PTPRD: variants seen among roughly 807,000 people sequenced by gnomAD.
PTPRD encodes receptor-type tyrosine-protein phosphatase delta.
In PTPRD, 34 loss-of-function variants were observed where a neutral mutation model predicts 214.5. The ratio of observed to expected loss-of-function variants is 0.16; its 90% confidence interval spans 0.12 to 0.21. PTPRD has a LOEUF of 0.21. PTPRD is among the 10% of genes least tolerant of loss of function. PTPRD has a pLI of 1.00. For synonymous variants in PTPRD, 1,128 were observed against 845.7 expected (o/e 1.33, Z -5.79); for missense variants, 2,545 against 2,398.7 (o/e 1.06, Z -1.27).
At chr9:10,546,896 T>C (rs949033187) in intron 2 of PTPRD, among the ~76,000 whole-genome samples, 1 of 152,102 alleles carries the variant, frequency 6.6e-6, no homozygotes, top group East Asian at 1.9e-4. Context: ...TTAAGGATAT[T>C]AGCCATAGTT....
intron 33 of PTPRD, among the ~76,000 whole-genome samples, chr9:8,451,262 G>C (rs369601843): frequency 1.3e-5 from 2 of 151,988 alleles, no homozygotes; most frequent in Non-Finnish European, 2.9e-5. Flanking sequence ...TTGCTTTCTC[G>C]GTACCTTAGA....
intron 3 of PTPRD, among the ~76,000 whole-genome samples, chr9:10,038,900 T>G (rs2097243158): frequency 6.6e-6 from 1 of 152,088 alleles, no homozygotes; most frequent in African/African-American, 2.4e-5. Flanking sequence ...TTTTAACAAT[T>G]ATTGCCCTTT....
At chr9:9,423,642 G>A (rs1179986697) in intron 8 of PTPRD, among the ~76,000 whole-genome samples, 1 of 152,062 alleles carries the variant, frequency 6.6e-6, no homozygotes, top group Non-Finnish European at 1.5e-5. Context: ...AAAATAGTCA[G>A]GATGGCAACA....
At chr9:9,807,129 T>C (rs1006408258) in intron 5 of PTPRD, among the ~76,000 whole-genome samples, 2 of 152,184 alleles carry the variant, frequency 1.3e-5, no homozygotes, top group African/African-American at 4.8e-5. Context: ...TCACTCCCGC[T>C]GCAAAACTTG....
At chr9:8,771,615 G>C (rs1488774029) in intron 11 of PTPRD, among the ~76,000 whole-genome samples, 1 of 152,032 alleles carries the variant, frequency 6.6e-6, no homozygotes, top group East Asian at 1.9e-4. Context: ...AGTGGAAATA[G>C]GTATTGGATG....
chr9:10,181,263 G>T (rs545611326), intron 3 of PTPRD, among the ~76,000 whole-genome samples: 3 of 152,090 alleles, frequency 2.0e-5, no homozygotes, highest in Non-Finnish European at 4.4e-5. Flanking sequence ...GATATCATTT[G>T]CAATAAAAAG....
intron 8 of PTPRD, among the ~76,000 whole-genome samples, chr9:9,500,899 C>A (rs906665383): frequency 6.6e-6 from 1 of 151,944 alleles, no homozygotes; most frequent in Non-Finnish European, 1.5e-5. Context: ...TTTTATACTA[C>A]TCTATTTTAT....
intron 35 of PTPRD, among the ~76,000 whole-genome samples, chr9:8,409,632 A>G (rs545940929): frequency 6.6e-6 from 1 of 152,274 alleles, no homozygotes; most frequent in African/African-American, 2.4e-5. Context: ...ATTCTGCAAA[A>G]TTCAACCTTT....
intron 7 of PTPRD, among the ~76,000 whole-genome samples, chr9:9,607,833 G>C (rs567958534): frequency 6.6e-6 from 1 of 152,004 alleles, no homozygotes; most frequent in East Asian, 1.9e-4. Flanking sequence ...AGAGCTTCAA[G>C]GGTAACCAAG....
At chr9:9,555,891 C>T (rs2081400039) in intron 8 of PTPRD, among the ~76,000 whole-genome samples, 1 of 152,058 alleles carries the variant, frequency 6.6e-6, no homozygotes, top group Non-Finnish European at 1.5e-5. Flanking sequence ...AGATTGTCCT[C>T]CTCTAGAAAT....
In PTPRD at chr9:9,397,634, T is replaced by A. The variant is rs573695542; in HGVS notation, c.-236-152A>T. 3.2e-4 allele frequency among the ~76,000 whole-genome samples: 48 copies of A among 152,172 alleles called. No individual in the cohort carries two copies. The South Asian group carries it at 9.7e-3, about 31-fold the overall frequency. ...TACGTTATCTGACCTCAATTATTTATTTCAGATGAAAGTGTTTCATCACCA... is the reference window on the plus strand; with the variant it reads ...TACGTTATCTGACCTCAATTATTTAATTCAGATGAAAGTGTTTCATCACCA... On this transcript the variant is annotated intron_variant, in intron 8 of 45. Transcript: ENST00000381196.
chr9:9,467,445 G>C (rs1350625952), intron 8 of PTPRD, among the ~76,000 whole-genome samples: 1 of 150,866 alleles, frequency 6.6e-6, no homozygotes, highest in Non-Finnish European at 1.5e-5. Flanking sequence ...AAAATAGCAA[G>C]GCGGGGTGGC....
chr9:9,709,225 A>T (rs1293756025), intron 7 of PTPRD, among the ~76,000 whole-genome samples: 4 of 151,984 alleles, frequency 2.6e-5, no homozygotes, highest in Non-Finnish European at 4.4e-5. Flanking sequence ...CTATACCCCT[A>T]TATTTTTATT....
intron 8 of PTPRD, among the ~76,000 whole-genome samples, chr9:9,549,581 C>T (rs1051355163): frequency 2.0e-5 from 3 of 152,010 alleles, no homozygotes; most frequent in Non-Finnish European, 2.9e-5. Context: ...CAATTCCATG[C>T]CTCGTTATTT....
At position 8,476,375 on chromosome 9, in the gene PTPRD, T is replaced by C. The variant is rs201351030; in HGVS notation, c.3414-5290A>G. 6.6e-5 allele frequency among the ~76,000 whole-genome samples: 10 copies of C among 152,252 alleles called. No individual in the cohort carries two copies. In the East Asian group the frequency reaches 1.9e-3, roughly 29 times the overall value. On this transcript the variant is annotated intron_variant, in intron 30 of 45. Transcript: ENST00000381196. ...AGTGGTAATGCTCCCTCCCCACTGC[T>C]TACCTCCTGCTGTGTGGTCGGGTTC...
At chr9:9,818,747 C>G (rs927073299) in intron 5 of PTPRD, among the ~76,000 whole-genome samples, 2 of 151,670 alleles carry the variant, frequency 1.3e-5, no homozygotes, top group Admixed American at 1.3e-4. Context: ...GAAATCCAGT[C>G]TCTACTAAAA....
chr9:8,364,942 T>C (rs574951492), intron 39 of PTPRD, among the ~76,000 whole-genome samples: 73 of 152,310 alleles, frequency 4.8e-4, no homozygotes, highest in African/African-American at 1.7e-3. Context: ...AGGTGCTTTC[T>C]GGTTATTTTC....
chr9:9,657,000 T>C (rs1018256581), intron 7 of PTPRD, among the ~76,000 whole-genome samples: 3 of 151,604 alleles, frequency 2.0e-5, no homozygotes, highest in African/African-American at 7.3e-5. Flanking sequence ...TATGCAAGAG[T>C]TTAGCATCAT....
intron 11 of PTPRD, among the ~76,000 whole-genome samples, chr9:8,806,255 G>T (rs557398562): frequency 1.3e-5 from 2 of 150,782 alleles, no homozygotes; most frequent in Non-Finnish European, 3.0e-5. Context: ...GGTGGGGCGG[G>T]GGGGGGATTT....
Sources: gnomAD v4.1 joint callset for allele counts (sites outside exome capture counted in the v4.1 genomes callset) on GRCh38, gnomAD v4.1.1 for gene constraint, MANE v1.5 for transcripts, NCBI Gene and HGNC (gene_info 2026-07-23, HGNC 2026-07-21) for gene names.